Variants in SLC22A2 observed in about 807,000 individuals in gnomAD.
SLC22A2 encodes the protein solute carrier family 22 member 2, also known as organic cation transporter 2.
In SLC22A2, 46 loss-of-function variants were observed where a neutral mutation model predicts 60.5. That is an observed-to-expected ratio of 0.76 (90% CI 0.60 to 0.97). The LOEUF (loss-of-function observed/expected upper bound fraction) is 0.97, where lower values mean the gene tolerates loss of function less well. Among genes scored for constraint, SLC22A2 ranks in the 50% least tolerant of loss-of-function variants. The probability of loss-of-function intolerance (pLI) is 0.00; values close to 1 mark genes in which losing one functional copy is unlikely to be tolerated. For missense variants in SLC22A2, 701 were observed against 706.6 expected (o/e 0.99, Z 0.09); for synonymous variants, 303 against 267.0 (o/e 1.13, Z -1.31).
chr6:160,249,366 C>T lies in SLC22A2; in HGVS notation c.692G>A (p.Arg231Gln), dbSNP rs774295115. ...GYILITEFVG[R>Q]RYRRTVGIFY... Reference sequence around the variant, plus strand: ...AATCCCCACTGTTCTCCGATATCTCCGCCCAACAAATTCTGTAACTGCAGA... The same window carrying T: ...AATCCCCACTGTTCTCCGATATCTCTGCCCAACAAATTCTGTAACTGCAGA... Residue 231 changes from arginine (R) to glutamine (Q), a missense_variant, in exon 4 of 11, where the codon CGG becomes CAG. Coordinates refer to ENST00000366953, the MANE Select transcript of SLC22A2 (RefSeq NM_003058.4). The T allele has an allele frequency of 2.9e-5, 47 of 1,613,136 alleles. No homozygotes were observed. The highest frequency in any genetic ancestry group is 1.6e-4 in the Middle Eastern group (1 of 6,078).
chr6:160,248,131 A>G (rs1783126143), intron 4 of SLC22A2, among the ~76,000 whole-genome samples: 1 of 152,126 alleles, frequency 6.6e-6, no homozygotes, highest in Admixed American at 6.5e-5. Flanking sequence ...TGATGCCCTC[A>G]CCCCCAGTGT....
At chr6:160,230,153 G>A (rs2114854599) in intron 9 of SLC22A2, among the ~76,000 whole-genome samples, 1 of 151,708 alleles carries the variant, frequency 6.6e-6, no homozygotes, top group East Asian at 1.9e-4. Context: ...GCCAGGCCGA[G>A]CTAGGTCCCA....
Position 160,246,835 on chromosome 6 carries a change from A to G in SLC22A2, c.957+349T>C, listed in dbSNP as rs115824151. ...GTTTAAAGAACTGCTTTACTGATCT[A>G]AGAATCTGACCTGAGGATGGTGAAT... On this transcript the variant is annotated intron_variant, in intron 5 of 10. Transcript: ENST00000366953. Among the ~76,000 whole-genome samples the G allele has an allele frequency of 2.6e-3, 397 of 152,336 alleles. 3 individuals carry two copies. The highest frequency in any genetic ancestry group is 9.0e-3 in the African/African-American group (374 of 41,576).
intron 2 of SLC22A2, among the ~76,000 whole-genome samples, chr6:160,252,625 C>A (rs1426053929): frequency 6.6e-6 from 1 of 152,124 alleles, no homozygotes; most frequent in Non-Finnish European, 1.5e-5. Flanking sequence ...CTTGGTAAGT[C>A]TTTTAGCTAC....
chr6:160,230,967 T>G (rs1161241956), intron 9 of SLC22A2, among the ~76,000 whole-genome samples: 1 of 151,950 alleles, frequency 6.6e-6, no homozygotes, highest in African/African-American at 2.4e-5. Context: ...AGCTGAAGAC[T>G]GATGCTGACC....
In SLC22A2 at chr6:160,245,277, C is replaced by A. The variant is rs1287238331; in HGVS notation, c.1064+162G>T. 3 of 501,596 alleles carry A rather than the reference C, an allele frequency of 6.0e-6. No homozygotes were observed. The East Asian group carries it at 9.8e-5, about 16-fold the overall frequency. The allele number at this position is 501,596 out of a possible 1,614,324, so 31.1% of individuals were successfully genotyped here. A position where few individuals can be genotyped will look rare whatever the true frequency, so the allele number is the denominator to read the frequency against. On this transcript the variant is annotated intron_variant, in intron 6 of 10. Coordinates refer to ENST00000366953, the MANE Select transcript of SLC22A2 (RefSeq NM_003058.4). ...GGGCTACACCGATCTTAATATTTGCCCAAGAAAAACACGATCAGGAAAACC... is the reference window on the plus strand; with the variant it reads ...GGGCTACACCGATCTTAATATTTGCACAAGAAAAACACGATCAGGAAAACC...
intron 10 of SLC22A2, among the ~76,000 whole-genome samples, chr6:160,224,383 T>C (rs922008009): frequency 3.3e-5 from 5 of 152,224 alleles, no homozygotes; most frequent in Non-Finnish European, 7.4e-5. Flanking sequence ...AAGTTTATAA[T>C]TTTATTTTTA....
chr6:160,237,594 A>G (rs1782931096), intron 9 of SLC22A2, among the ~76,000 whole-genome samples: 1 of 152,218 alleles, frequency 6.6e-6, no homozygotes, highest in African/African-American at 2.4e-5. Context: ...TGAAAAAGTT[A>G]CAGAAGATGG....
intron 9 of SLC22A2, among the ~76,000 whole-genome samples, chr6:160,237,983 C>T (rs979013651): frequency 1.6e-4 from 24 of 152,102 alleles, no homozygotes; most frequent in Non-Finnish European, 2.9e-4. Flanking sequence ...GGTCTAAAAA[C>T]GGGGAACTCA....
At position 160,249,293 on chromosome 6, in the gene SLC22A2, C is replaced by T; in HGVS notation, c.765G>A (p.Val255=). 6.2e-7 allele frequency: 1 copy of T among 1,613,192 alleles called. No individual in the cohort carries two copies. The highest frequency in any genetic ancestry group is 8.5e-7 in the Non-Finnish European group (1 of 1,179,352). The change falls in exon 4 of 11, where the codon GTG becomes GTA. Residue 255 remains valine, a synonymous_variant. Transcript: ENST00000366953. ...ACCTCCAGTGAGGAAGTGCGTAAGC[C>T]ACCCCAGCTAGCACCAGGAGCCCAA... ...YTVGLLVLAG[V]AYALPHWRWL... is the part of the protein sequence containing the mutation.
chr6:160,253,280 T>A (rs1458622794), intron 2 of SLC22A2, among the ~76,000 whole-genome samples: 3 of 152,230 alleles, frequency 2.0e-5, no homozygotes, highest in African/African-American at 7.2e-5. Flanking sequence ...AAATTATAAA[T>A]TTGATTATAT....
At chr6:160,228,630 C>T (rs1398885348) in intron 9 of SLC22A2, among the ~76,000 whole-genome samples, 1 of 152,148 alleles carries the variant, frequency 6.6e-6, no homozygotes, top group Non-Finnish European at 1.5e-5. Flanking sequence ...TATACAGGAT[C>T]ATAGAAACAT....
At chr6:160,251,592 C>T (rs1783187364) in intron 2 of SLC22A2, among the ~76,000 whole-genome samples, 1 of 152,148 alleles carries the variant, frequency 6.6e-6, no homozygotes, top group Non-Finnish European at 1.5e-5. Context: ...CTGTTATTTT[C>T]GCCATGTCCT....
At chr6:160,225,047 AG>A (rs1666403710) in intron 9 of SLC22A2, among the ~76,000 whole-genome samples, 1 of 152,182 alleles carries the variant, frequency 6.6e-6, no homozygotes, top group South Asian at 2.1e-4. Context: ...AGGTTATTCT[AG>A]GGTAGAGGAC....
At chr6:160,240,519 T>C (rs1204435901) in intron 9 of SLC22A2, among the ~76,000 whole-genome samples, 1 of 152,200 alleles carries the variant, frequency 6.6e-6, no homozygotes, top group Non-Finnish European at 1.5e-5. Context: ...TACTTATGAA[T>C]GACCTGCAGG....
At chr6:160,243,122 C>T (rs1022223133) in intron 7 of SLC22A2, among the ~76,000 whole-genome samples, 5 of 152,112 alleles carry the variant, frequency 3.3e-5, no homozygotes, top group African/African-American at 1.2e-4. Flanking sequence ...TGTTCCCCTT[C>T]GTTGAGGAAG....
At chr6:160,219,527 C>A (rs1170213883) in intron 10 of SLC22A2, among the ~76,000 whole-genome samples, 1 of 151,858 alleles carries the variant, frequency 6.6e-6, no homozygotes, top group Non-Finnish European at 1.5e-5. Flanking sequence ...AATCTAGCTG[C>A]CAGGATTGAA....
intron 10 of SLC22A2, among the ~76,000 whole-genome samples, chr6:160,224,102 A>G (rs1030521840): frequency 2.0e-5 from 3 of 152,330 alleles, no homozygotes; most frequent in African/African-American, 7.2e-5. Flanking sequence ...GCAACACGGG[A>G]GACTACATTT....
intron 10 of SLC22A2, among the ~76,000 whole-genome samples, chr6:160,220,180 T>C (rs926973270): frequency 1.3e-5 from 2 of 152,228 alleles, no homozygotes; most frequent in Non-Finnish European, 2.9e-5. Flanking sequence ...TAAGTTTATG[T>C]AATATTCTAA....
Sources: allele counts gnomAD v4.1 joint callset (sites outside exome capture counted in the v4.1 genomes callset), GRCh38; gene constraint gnomAD v4.1.1; transcripts MANE v1.5; gene names NCBI Gene and HGNC (gene_info 2026-07-23, HGNC 2026-07-21).